DCHS2: variants seen among roughly 807,000 people sequenced by gnomAD.
DCHS2 encodes dachsous cadherin-related 2.
In DCHS2, 142 loss-of-function variants were observed where a neutral mutation model predicts 182.4. The observed-to-expected ratio is 0.78, with a 90% CI of 0.68 to 0.89. DCHS2 has a LOEUF of 0.89. Among genes scored for constraint, DCHS2 ranks in the 40% least tolerant of loss-of-function variants. DCHS2 has a pLI of 0.00. For synonymous variants in DCHS2, 1,740 were observed against 1,663.3 expected, an observed-to-expected ratio of 1.05 and a Z score of -1.12; for missense variants, 4,319 against 4,198.6, an observed-to-expected ratio of 1.03 and a Z score of -0.79.
At position 154,364,256 on chromosome 4, in the gene DCHS2, G is replaced by C. The variant is rs1370205655; in HGVS notation, c.2476+1954C>G. Among the ~76,000 whole-genome samples the C allele has an allele frequency of 2.6e-5, 4 of 152,326 alleles. No individual in the cohort carries two copies. The East Asian group carries it at 7.7e-4, about 29-fold the overall frequency. On this transcript the variant is annotated intron_variant, in intron 3 of 19. Transcript: ENST00000357232. ...AGTCTGGCTTCGGCCAGGACAGCAA[G>C]AGAGATCTCCTCTAAAAACAGAATA... is the stretch of plus-strand genomic sequence containing the variant.
Position 154,298,107 on chromosome 4 carries a change from G to A in DCHS2, c.6207C>T (p.Pro2069=). The part of the protein sequence containing the change: ...IVRADDLDLG[P]NGTVVFSFAE... ...CAAAACTAAAAACCACAGTTCCATT[G>A]GGCCCCAAGTCCAGGTCATCAGCTC... is the stretch of plus-strand genomic sequence containing the variant. Residue 2069 remains proline (P), a synonymous_variant, in exon 13 of 20, where the codon CCC becomes CCT. Coordinates refer to ENST00000357232, the MANE Select transcript of DCHS2 (RefSeq NM_001358235.2). 6.2e-7 allele frequency: 1 copy of A among 1,614,076 alleles called. No individual in the cohort carries two copies. The highest frequency in any genetic ancestry group is 8.5e-7 in the Non-Finnish European group (1 of 1,180,012).
intron 1 of DCHS2, among the ~76,000 whole-genome samples, chr4:154,419,515 G>C (rs2110911102): frequency 6.6e-6 from 1 of 152,020 alleles, no homozygotes; most frequent in Admixed American, 6.5e-5. Context: ...GCCGGGTGTG[G>C]TGGTGGGCAC....
chr4:154,411,787 A>G (rs1732644809), intron 1 of DCHS2, among the ~76,000 whole-genome samples: 1 of 152,216 alleles, frequency 6.6e-6, no homozygotes. Context: ...CTACAGTAAC[A>G]ATTTTACTAT....
intron 1 of DCHS2, among the ~76,000 whole-genome samples, chr4:154,395,371 T>C (rs943482793): frequency 2.6e-5 from 4 of 152,124 alleles, no homozygotes; most frequent in Non-Finnish European, 4.4e-5. Flanking sequence ...CATTTTTCTA[T>C]ACTGTTTCAG....
intron 10 of DCHS2, among the ~76,000 whole-genome samples, chr4:154,308,956 A>G (rs914337942): frequency 6.6e-6 from 1 of 152,192 alleles, no homozygotes; most frequent in Non-Finnish European, 1.5e-5. Context: ...AAGAGGGAAG[A>G]AAGAACATTT....
chr4:154,270,482 G>A (rs895388094), intron 13 of DCHS2, among the ~76,000 whole-genome samples: 2 of 151,922 alleles, frequency 1.3e-5, no homozygotes, highest in Non-Finnish European at 2.9e-5. Flanking sequence ...GAAAGGGCTT[G>A]GTTGGGTAAA....
At chr4:154,437,091 TA>T (rs1453442073) in intron 1 of DCHS2, among the ~76,000 whole-genome samples, 23 of 152,288 alleles carry the variant, frequency 1.5e-4, no homozygotes, top group African/African-American at 4.6e-4. Flanking sequence ...GCATTCAAGT[TA>T]GGCCTCCTTG....
At chr4:154,406,879 A>G (rs1028439984) in intron 1 of DCHS2, among the ~76,000 whole-genome samples, 16 of 152,206 alleles carry the variant, frequency 1.1e-4, no homozygotes, top group Non-Finnish European at 1.5e-5. Flanking sequence ...CTGCGTTGGA[A>G]AGGAAGTTAT....
At chr4:154,461,566 A>T (rs143466395) in intron 1 of DCHS2, among the ~76,000 whole-genome samples, 194 of 152,336 alleles carry the variant, frequency 1.3e-3, no homozygotes, top group African/African-American at 4.4e-3. Context: ...AAAGATTGTG[A>T]CATAGTATAA....
At chr4:154,323,154 G>T (rs1736142357) in intron 7 of DCHS2, 1 of 1,499,786 alleles carries the variant, frequency 6.7e-7, no homozygotes, top group South Asian at 1.3e-5. Context: ...ATTTGCTGTT[G>T]CATCTCCAAC....
rs1043242707 is a variant in DCHS2, at chr4:154,322,555, T to C, written c.4019-67A>G. On this transcript the variant is annotated intron_variant, in intron 7 of 19. Transcript: ENST00000357232. ...ATGCAGAAAACAGAAAATCAATTAA[T>C]CCAATATATCGATCATTTGGAAGAT... is the stretch of plus-strand genomic sequence containing the variant. The C allele has an allele frequency of 7.4e-6, 11 of 1,483,280 alleles. No homozygotes were observed. In the Admixed American group the frequency reaches 2.2e-4, roughly 30 times the overall value. 91.9% of individuals were successfully genotyped at this position (1,483,280 alleles called of 1,614,324 possible).
At chr4:154,243,531 A>G (rs1240427763) in intron 16 of DCHS2, among the ~76,000 whole-genome samples, 2 of 152,266 alleles carry the variant, frequency 1.3e-5, no homozygotes, top group South Asian at 4.2e-4. Flanking sequence ...CACTTGGATT[A>G]GTGTCCCCAG....
intron 16 of DCHS2, among the ~76,000 whole-genome samples, chr4:154,253,914 T>C (rs902177287): frequency 3.3e-5 from 5 of 152,192 alleles, no homozygotes; most frequent in African/African-American, 9.7e-5. Flanking sequence ...TGACACTCAC[T>C]GTCTTTGGTA....
chr4:154,466,588 AC>A (rs1735249893), intron 1 of DCHS2, among the ~76,000 whole-genome samples: 2 of 152,178 alleles, frequency 1.3e-5, no homozygotes, highest in Admixed American at 1.3e-4. Context: ...TTCTTGGCAT[AC>A]CCAGCAAGAC....
In DCHS2 at chr4:154,235,288, C is replaced by T; in HGVS notation, c.9364G>A (p.Ala3122Thr). The part of the protein sequence containing the change: ...EHPYRKCSDS[A>T]LSDHESRVPD... ...ACCCTGGACTCGTGGTCACTCAGAG[C>T]TGAGTCTGAGCACTTTCTGTAGGGA... The change falls in exon 20 of 20, where the codon GCT becomes ACT. Residue 3122 changes from alanine (A) to threonine (T), a missense_variant. Transcript: ENST00000357232. 1.2e-6 allele frequency: 2 copies of T among 1,614,084 alleles called. No homozygotes were observed.
chr4:154,245,505 T>C (rs1054604312), intron 16 of DCHS2, among the ~76,000 whole-genome samples: 1 of 152,072 alleles, frequency 6.6e-6, no homozygotes, highest in Non-Finnish European at 1.5e-5. Context: ...TTCAAAACTC[T>C]CAATTATATC....
intron 1 of DCHS2, among the ~76,000 whole-genome samples, chr4:154,435,164 C>T (rs1733724378): frequency 6.6e-6 from 1 of 152,144 alleles, no homozygotes; most frequent in Non-Finnish European, 1.5e-5. Flanking sequence ...CTGTACTATC[C>T]TTGCAATTCT....
rs753749019 is a variant in DCHS2, at chr4:154,239,273, C to G, written c.7389G>C (p.Gly2463=). The G allele has an allele frequency of 8.3e-5, 134 of 1,610,844 alleles. No homozygotes were observed. Among genetic ancestry groups the G allele is most frequent in the Non-Finnish European group, 1.1e-4 (126 of 1,178,154 alleles). Residue 2463 remains glycine, a synonymous_variant, in exon 19 of 20, where the codon GGG becomes GGC. Transcript: ENST00000357232. ...QVTVPESIPV[G]YSVLTLSATD... is the part of the protein sequence containing the mutation. ...TGGCTGACAGAGTCAGCACTGAATA[C>G]CCCACAGGTATTGATTCAGGAACTG...
At position 154,331,606 on chromosome 4, in the gene DCHS2, G is replaced by A. The variant is rs779194391; in HGVS notation, c.3730+872C>T. 1.2e-6 allele frequency: 2 copies of A among 1,613,038 alleles called. No homozygotes were observed. Among genetic ancestry groups the A allele is most frequent in the East Asian group, 4.5e-5 (2 of 44,876 alleles). Reference sequence around the variant, plus strand: ...ACCTTCTCCTAATTCACAGAACAGAGACTTGAGAACAAAGGCTTGAAGTTC... The same window carrying A: ...ACCTTCTCCTAATTCACAGAACAGAAACTTGAGAACAAAGGCTTGAAGTTC... On this transcript the variant is annotated intron_variant, in intron 5 of 19. Coordinates refer to ENST00000357232, the MANE Select transcript of DCHS2 (RefSeq NM_001358235.2).
Sources: gnomAD v4.1 joint callset for allele counts (sites outside exome capture counted in the v4.1 genomes callset) on GRCh38, gnomAD v4.1.1 for gene constraint, MANE v1.5 for transcripts, NCBI Gene and HGNC (gene_info 2026-07-23, HGNC 2026-07-21) for gene names.